The following ADGRB3 variants were observed in gnomAD, a reference collection of about 807,000 sequenced individuals.
ADGRB3 encodes brain-specific angiogenesis inhibitor 3.
Under a neutral mutation model 193.4 loss-of-function variants are expected in ADGRB3, and 37 were observed. The observed-to-expected ratio is 0.19, with a 90% CI of 0.15 to 0.25. ADGRB3 has a LOEUF of 0.25. ADGRB3 is among the 10% of genes least tolerant of loss of function. The pLI, the probability that ADGRB3 is intolerant of heterozygous loss-of-function variation, is 1.00. For missense variants in ADGRB3, 1,637 were observed against 1,852.9 expected, an observed-to-expected ratio of 0.88 and a Z score of 2.14; for synonymous variants, 690 against 644.2, an observed-to-expected ratio of 1.07 and a Z score of -1.08.
intron 20 of ADGRB3, among the ~76,000 whole-genome samples, chr6:69,271,379 AAG>A (rs1377116841): frequency 6.6e-6 from 1 of 152,210 alleles, no homozygotes; most frequent in East Asian, 1.9e-4. Context: ...GTGAATTAAA[AAG>A]AGAGTGATGC....
intron 3 of ADGRB3, among the ~76,000 whole-genome samples, chr6:68,683,061 A>G (rs1466820686): frequency 6.6e-6 from 1 of 152,190 alleles, no homozygotes; most frequent in African/African-American, 2.4e-5. Context: ...CTGGGATTAT[A>G]GGCATGAGCC....
intron 13 of ADGRB3, among the ~76,000 whole-genome samples, chr6:69,033,994 T>C (rs1323875016): frequency 6.6e-6 from 1 of 152,080 alleles, no homozygotes; most frequent in African/African-American, 2.4e-5. Flanking sequence ...CAAATATATA[T>C]TCTGAATTCA....
At chr6:68,891,849 C>A (rs1582289695) in intron 3 of ADGRB3, among the ~76,000 whole-genome samples, 3 of 152,098 alleles carry the variant, frequency 2.0e-5, no homozygotes, top group Admixed American at 2.0e-4. Context: ...ATGAAGATGA[C>A]AGAGCCAAGA....
At chr6:68,946,539 C>A (rs950030251) in intron 6 of ADGRB3, among the ~76,000 whole-genome samples, 3 of 152,108 alleles carry the variant, frequency 2.0e-5, no homozygotes, top group African/African-American at 7.2e-5. Context: ...AACATTTTTT[C>A]TAACCATACT....
chr6:69,387,322 G>A (rs1288579728), intron 31 of ADGRB3, among the ~76,000 whole-genome samples: 2 of 151,964 alleles, frequency 1.3e-5, no homozygotes, highest in African/African-American at 4.8e-5. Context: ...AGGGAGAGAG[G>A]AAAGAAAGGA....
chr6:69,252,798 G>A (rs1220483035), intron 20 of ADGRB3, among the ~76,000 whole-genome samples: 2 of 151,966 alleles, frequency 1.3e-5, no homozygotes, highest in Non-Finnish European at 2.9e-5. Flanking sequence ...GTGAAGTTCA[G>A]TGTATCATTT....
intron 20 of ADGRB3, among the ~76,000 whole-genome samples, chr6:69,307,179 T>G (rs1480994647): frequency 6.6e-6 from 1 of 151,502 alleles, no homozygotes; most frequent in Non-Finnish European, 1.5e-5. Context: ...TAACTGCTCC[T>G]TTTCGTTGAC....
At chr6:68,817,307 GTATATATATATATATATATA>G (rs60723627) in intron 3 of ADGRB3, among the ~76,000 whole-genome samples, 1,090 of 44,112 alleles carry the variant, frequency 0.025, 41 homozygotes, top group African/African-American at 0.055. Flanking sequence ...TTTTGTCCAT[GTATATATATATATATATATA>G]TATATATATA....
At chr6:69,367,937 T>C (rs1769613743) in intron 29 of ADGRB3, among the ~76,000 whole-genome samples, 2 of 139,172 alleles carry the variant, frequency 1.4e-5, no homozygotes, top group African/African-American at 5.4e-5. Flanking sequence ...TAGGTAGGAA[T>C]TGAACAATGA....
At chr6:68,740,452 T>C (rs1012944850) in intron 3 of ADGRB3, among the ~76,000 whole-genome samples, 1 of 152,162 alleles carries the variant, frequency 6.6e-6, no homozygotes, top group African/African-American at 2.4e-5. Context: ...AAGTAAATAT[T>C]CTTATGGGTA....
chr6:69,280,724 C>G (rs1016858662), intron 20 of ADGRB3, among the ~76,000 whole-genome samples: 9 of 152,184 alleles, frequency 5.9e-5, no homozygotes, highest in Admixed American at 2.6e-4. Flanking sequence ...AAAACCTCAG[C>G]ACAATGCCTG....
At chr6:69,256,079 A>G (rs1766762870) in intron 20 of ADGRB3, among the ~76,000 whole-genome samples, 1 of 151,676 alleles carries the variant, frequency 6.6e-6, no homozygotes, top group East Asian at 1.9e-4. Context: ...TTTTGGTACC[A>G]GTACCATGCT....
intron 3 of ADGRB3, among the ~76,000 whole-genome samples, chr6:68,775,917 A>G (rs1766738018): frequency 6.6e-6 from 1 of 152,180 alleles, no homozygotes; most frequent in South Asian, 2.1e-4. Flanking sequence ...TTCATATAGC[A>G]TTAATTAAAT....
intron 17 of ADGRB3, among the ~76,000 whole-genome samples, chr6:69,209,847 A>G (rs1765618038): frequency 6.6e-6 from 1 of 152,156 alleles, no homozygotes; most frequent in African/African-American, 2.4e-5. Flanking sequence ...GGGATGAATC[A>G]GGATAAATCA....
rs1336366960 is a variant in ADGRB3, at chr6:68,787,061, G to A, written c.758-143498G>A. ...GCTTGAGGAGATTTTGGGCTGAGATGATGGCGTTTTCTAGATATACAATCA... is the reference window on the plus strand; with the variant it reads ...GCTTGAGGAGATTTTGGGCTGAGATAATGGCGTTTTCTAGATATACAATCA... On this transcript the variant is annotated intron_variant, in intron 3 of 31. Transcript: ENST00000370598. Among the ~76,000 whole-genome samples the A allele has an allele frequency of 3.3e-5, 5 of 152,254 alleles. No individual in the cohort carries two copies. In the East Asian group the frequency reaches 5.8e-4, roughly 18 times the overall value.
chr6:68,829,728 T>C (rs1213226379), intron 3 of ADGRB3, among the ~76,000 whole-genome samples: 4 of 152,184 alleles, frequency 2.6e-5, no homozygotes, highest in Non-Finnish European at 5.9e-5. Context: ...TGCTTTTGAA[T>C]TGAAGCATAA....
intron 17 of ADGRB3, among the ~76,000 whole-genome samples, chr6:69,213,162 A>G (rs1008530486): frequency 1.3e-5 from 2 of 152,214 alleles, no homozygotes; most frequent in Non-Finnish European, 2.9e-5. Flanking sequence ...ACTTGTTCAT[A>G]TCTCACTCTC....
chr6:68,912,855 C>T (rs1766756556), intron 3 of ADGRB3, among the ~76,000 whole-genome samples: 1 of 152,148 alleles, frequency 6.6e-6, no homozygotes, highest in Non-Finnish European at 1.5e-5. Context: ...GTCACTCCCA[C>T]CCTAATACTG....
At chr6:69,280,534 A>T (rs769959955) in intron 20 of ADGRB3, among the ~76,000 whole-genome samples, 4 of 152,214 alleles carry the variant, frequency 2.6e-5, no homozygotes, top group Admixed American at 1.3e-4. Context: ...TATAAAGGGA[A>T]TAATAGTAAT....
Sources: gnomAD v4.1 joint callset for allele counts (sites outside exome capture counted in the v4.1 genomes callset) on GRCh38, gnomAD v4.1.1 for gene constraint, MANE v1.5 for transcripts, NCBI Gene and HGNC (gene_info 2026-07-23, HGNC 2026-07-21) for gene names.